Variants in CNIH1 observed in about 807,000 individuals in gnomAD.
The protein encoded by CNIH1 is protein cornichon homolog 1.
A neutral mutation model predicts 20.2 loss-of-function variants in CNIH1; 12 were observed. The observed-to-expected ratio is 0.59, with a 90% CI of 0.38 to 0.96. The LOEUF (loss-of-function observed/expected upper bound fraction) is 0.96, where lower values mean the gene tolerates loss of function less well. Among genes scored for constraint, CNIH1 ranks in the 40% least tolerant of loss-of-function variants. The pLI, the probability that CNIH1 is intolerant of heterozygous loss-of-function variation, is 0.00. For synonymous variants in CNIH1, 69 were observed against 63.3 expected (o/e 1.09, Z -0.43); for missense variants, 152 against 178.8 (o/e 0.85, Z 0.85).
At chr14:54,430,152 A>G in intron 4 of CNIH1, 109 bp downstream of exon 4, 1 of 1,174,586 alleles carries the variant, frequency 8.5e-7, no homozygotes, top group Non-Finnish European at 1.2e-6. Context: ...TGCACACTTA[A>G]GACACTAAGT....
rs1219237983 is a variant in CNIH1, at chr14:54,424,277, A to G, written c.*3537T>C. Reference sequence around the variant, plus strand: ...AGTACTTTTATGAGCAATGCTAGATAAGGTATCCATGTTTTTCTTTCCCCT... The same window carrying G: ...AGTACTTTTATGAGCAATGCTAGATGAGGTATCCATGTTTTTCTTTCCCCT... On this transcript the variant is annotated 3_prime_UTR_variant, in exon 5 of 5. Transcript: ENST00000216416. 1 of 152,242 alleles carries G rather than the reference A, an allele frequency of 6.6e-6. No homozygotes were observed. The highest frequency in any genetic ancestry group is 6.5e-5 in the Admixed American group (1 of 15,290). The allele number at this position is 152,242 out of a possible 1,614,324, so 9.4% of individuals were successfully genotyped here. A position where few individuals can be genotyped will look rare whatever the true frequency, so the allele number is the denominator to read the frequency against.
chr14:54,436,926 T>C (rs1314176854), intron 1 of CNIH1: 1 of 332,838 alleles, frequency 3.0e-6, no homozygotes, highest in African/African-American at 2.2e-5. Flanking sequence ...CCCTGGAGTG[T>C]GGTATTTACA....
In CNIH1 at chr14:54,432,210, G is replaced by A. The variant is rs773000971; in HGVS notation, c.161C>T (p.Pro54Leu). The A allele has an allele frequency of 6.5e-7, 1 of 1,538,224 alleles. No individual in the cohort carries two copies. Among genetic ancestry groups the A allele is most frequent in the East Asian group, 2.4e-5 (1 of 41,014 alleles). Residue 54 changes from proline (P) to leucine (L), a missense_variant, in exon 3 of 5, where the codon CCA (proline) becomes CTA (leucine). This residue lies in a region of CNIH1 where 97 missense variants were observed against 100.6 expected (regional missense o/e 0.96). Coordinates refer to ENST00000216416, the MANE Select transcript of CNIH1 (RefSeq NM_005776.3). Reference sequence around the variant, plus strand: ...GAAGAAAGCGTGGATGAGGTACTCTGGGAGTACAAGCTGGAAGGAAAACAC... The same window carrying A: ...GAAGAAAGCGTGGATGAGGTACTCTAGGAGTACAAGCTGGAAGGAAAACAC... The part of the protein sequence containing the change: ...QCNTLNPLVL[P>L]EYLIHAFFCV...
At chr14:54,429,474 T>A (rs1489664497) in intron 4 of CNIH1, among the ~76,000 whole-genome samples, 2 of 151,994 alleles carry the variant, frequency 1.3e-5, no homozygotes, top group African/African-American at 4.8e-5. Flanking sequence ...AGGAAAAAAA[T>A]CAGGCTGGGC....
At chr14:54,437,678 T>TAAA (rs199875640) in intron 1 of CNIH1, among the ~76,000 whole-genome samples, 4 of 147,314 alleles carry the variant, frequency 2.7e-5, no homozygotes, top group African/African-American at 9.9e-5. Context: ...CACTAGGGAT[T>TAAA]AAAAAAAAAA....
chr14:54,440,157 T>A (rs1202149939), intron 1 of CNIH1, among the ~76,000 whole-genome samples: 2 of 152,214 alleles, frequency 1.3e-5, no homozygotes, highest in Non-Finnish European at 2.9e-5. Flanking sequence ...GCTGCTGCTG[T>A]TTAATCATTC....
chr14:54,440,831 G>C (rs2031155460), intron 1 of CNIH1, among the ~76,000 whole-genome samples: 1 of 152,356 alleles, frequency 6.6e-6, no homozygotes, highest in Middle Eastern at 3.4e-3. Context: ...AACCCTAAAA[G>C]AAAGTCAATC....
intron 1 of CNIH1, among the ~76,000 whole-genome samples, chr14:54,437,360 A>G (rs28751958): frequency 0.06 from 9,126 of 152,300 alleles, 480 homozygotes; most frequent in East Asian, 0.28. Context: ...CAATATTATC[A>G]GTAATCAGTA....
chr14:54,431,254 A>T (rs1277043078), intron 3 of CNIH1, among the ~76,000 whole-genome samples: 1 of 151,922 alleles, frequency 6.6e-6, no homozygotes, highest in Non-Finnish European at 1.5e-5. Context: ...CAGCTTCCCA[A>T]GTAGCTGAGT....
chr14:54,424,657 T>A lies in CNIH1; in HGVS notation c.*3157A>T, dbSNP rs1419801650. 6.6e-6 allele frequency: 1 copy of A among 152,220 alleles called. No homozygotes were observed. Among genetic ancestry groups the A allele is most frequent in the African/African-American group, 2.4e-5 (1 of 41,452 alleles). The allele number at this position is 152,220 out of a possible 1,614,324, so 9.4% of individuals were successfully genotyped here. A position where few individuals can be genotyped will look rare whatever the true frequency, so the allele number is the denominator to read the frequency against. On this transcript the variant is annotated 3_prime_UTR_variant, in exon 5 of 5. Coordinates refer to ENST00000216416, the MANE Select transcript of CNIH1 (RefSeq NM_005776.3). ...CTTTATTTCCTTTCTATGTAAATAT[T>A]TGACATAGCTTCAAAATATATTGAT...
chr14:54,435,405 A>T (rs2031035567), intron 2 of CNIH1, among the ~76,000 whole-genome samples: 2 of 152,162 alleles, frequency 1.3e-5, no homozygotes, highest in South Asian at 4.1e-4. Context: ...ACATACATAT[A>T]TATTTTTTCA....
At position 54,427,768 on chromosome 14, in the gene CNIH1, G is replaced by A. The variant is rs11552807; in HGVS notation, c.*46C>T. 1.2e-6 allele frequency: 2 copies of A among 1,604,272 alleles called. No individual in the cohort carries two copies. Among genetic ancestry groups the A allele is most frequent in the Non-Finnish European group, 1.7e-6 (2 of 1,171,994 alleles). On this transcript the variant is annotated 3_prime_UTR_variant, in exon 5 of 5. Transcript: ENST00000216416. The stretch of plus-strand genomic sequence containing the variant: ...GCTGGATAGAATCCCTTCATTTGGT[G>A]GCTTTTTGCATGCACTTAACTGGAC...
intron 1 of CNIH1, among the ~76,000 whole-genome samples, chr14:54,440,905 C>T (rs1251911710): frequency 6.6e-6 from 1 of 152,184 alleles, no homozygotes; most frequent in Non-Finnish European, 1.5e-5. Context: ...CTGTCGACAT[C>T]CTCCCCGGGA....
chr14:54,433,562 G>A (rs1445723405), intron 2 of CNIH1, among the ~76,000 whole-genome samples: 1 of 152,130 alleles, frequency 6.6e-6, no homozygotes, highest in Admixed American at 6.5e-5. Context: ...CAAGAAAAGG[G>A]CCATAGGACT....
chr14:54,429,912 G>A (rs572214625), intron 4 of CNIH1, among the ~76,000 whole-genome samples: 1 of 152,312 alleles, frequency 6.6e-6, no homozygotes, highest in South Asian at 2.1e-4. Flanking sequence ...TGTCTGGAGA[G>A]ACCCTGAAGA....
At chr14:54,433,318 C>G (rs1249149619) in intron 2 of CNIH1, among the ~76,000 whole-genome samples, 2 of 152,186 alleles carry the variant, frequency 1.3e-5, no homozygotes, top group East Asian at 3.9e-4. Flanking sequence ...ACTACATACT[C>G]AGACCCATTT....
At chr14:54,434,501 T>C (rs1251789647) in intron 2 of CNIH1, among the ~76,000 whole-genome samples, 1 of 152,226 alleles carries the variant, frequency 6.6e-6, no homozygotes, top group Non-Finnish European at 1.5e-5. Context: ...TTCGGCAAAG[T>C]GCTTTAACCT....
At position 54,441,369 on chromosome 14, in the gene CNIH1, A is replaced by C. The variant is rs1446295436; in HGVS notation, c.-42T>G. On this transcript the variant is annotated 5_prime_UTR_variant, in exon 1 of 5. Coordinates refer to ENST00000216416, the MANE Select transcript of CNIH1 (RefSeq NM_005776.3). ...CGGGGAGCGGCGCCGTTGCCAGCGGAGAAAGGCGGCGCAGGGCCCTCTGGG... is the reference window on the plus strand; with the variant it reads ...CGGGGAGCGGCGCCGTTGCCAGCGGCGAAAGGCGGCGCAGGGCCCTCTGGG... 2 of 1,470,182 alleles carry C rather than the reference A, an allele frequency of 1.4e-6. No individual in the cohort carries two copies. Among genetic ancestry groups the C allele is most frequent in the South Asian group, 2.6e-5 (2 of 76,790 alleles). 91.1% of individuals were successfully genotyped at this position (1,470,182 alleles called of 1,614,324 possible).
Position 54,427,667 on chromosome 14 carries a change from G to A in CNIH1, c.*147C>T. ...CAGTCTTTCCACAAGCAAAAATGTGGAAACATTTAAAAAATAAGGAGTCAT... is the reference window on the plus strand; with the variant it reads ...CAGTCTTTCCACAAGCAAAAATGTGAAAACATTTAAAAAATAAGGAGTCAT... On this transcript the variant is annotated 3_prime_UTR_variant, in exon 5 of 5. Coordinates refer to ENST00000216416, the MANE Select transcript of CNIH1 (RefSeq NM_005776.3). 1.3e-6 allele frequency: 1 copy of A among 781,662 alleles called. No homozygotes were observed. Among genetic ancestry groups the A allele is most frequent in the Non-Finnish European group, 2.1e-6 (1 of 478,180 alleles). 48.4% of individuals were successfully genotyped at this position (781,662 alleles called of 1,614,324 possible). A position where few individuals can be genotyped will look rare whatever the true frequency, so the allele number is the denominator to read the frequency against.
Sources: gnomAD v4.1 joint callset for allele counts (sites outside exome capture counted in the v4.1 genomes callset) on GRCh38, gnomAD v4.1.1 for gene constraint, gnomAD v4.1.1 regional missense constraint, MANE v1.5 for transcripts, NCBI Gene and HGNC (gene_info 2026-07-23, HGNC 2026-07-21) for gene names.